The following CYB5R3 variants were observed in gnomAD, a reference collection of about 807,000 sequenced individuals.
CYB5R3 encodes NADH-cytochrome b5 reductase 3.
CYB5R3 carries 28 observed loss-of-function variants against 36.5 expected under a neutral mutation model. The ratio of observed to expected loss-of-function variants is 0.77; its 90% CI spans 0.57 to 1.05. The LOEUF (loss-of-function observed/expected upper bound fraction) is 1.05, where lower values mean the gene tolerates loss of function less well. Among genes scored for constraint, CYB5R3 ranks in the 50% least tolerant of loss-of-function variants. The pLI is 0.00. For synonymous variants in CYB5R3, 181 were observed against 159.8 expected (o/e 1.13, Z -1.00); for missense variants, 474 against 408.9 (o/e 1.16, Z -1.37).
At position 42,630,865 on chromosome 22, in the gene CYB5R3, T is replaced by C. The variant is rs1389355300; in HGVS notation, c.333+17A>G. On this transcript the variant is annotated intron_variant, in intron 4 of 8. Coordinates refer to ENST00000352397, the MANE Select transcript of CYB5R3 (RefSeq NM_000398.7). ...CCCACCCACACCCCCTCCACAGTCA[T>C]GACCCAGAGGCTTCACCTTGATGAC... 9 of 1,603,576 alleles carry C rather than the reference T, an allele frequency of 5.6e-6. No individual in the cohort carries two copies. The highest frequency in any genetic ancestry group is 7.7e-6 in the Non-Finnish European group (9 of 1,173,152).
In CYB5R3 at chr22:42,619,694, G is replaced by A. The variant is rs1326741136; in HGVS notation, c.*79C>T. 20 of 1,418,584 alleles carry A rather than the reference G, an allele frequency of 1.4e-5. No individual in the cohort carries two copies. Among genetic ancestry groups the A allele is most frequent in the Middle Eastern group, 2.2e-4 (1 of 4,460 alleles). The allele number at this position is 1,418,584 out of a possible 1,614,324, so 87.9% of individuals were successfully genotyped here. On this transcript the variant is annotated 3_prime_UTR_variant, in exon 9 of 9. Transcript: ENST00000352397. ...GGCTGAACCCGGGGCCCCAGTGTGCGATGTGGGGAGGTGACTGGGTGAGCG... is the reference window on the plus strand; with the variant it reads ...GGCTGAACCCGGGGCCCCAGTGTGCAATGTGGGGAGGTGACTGGGTGAGCG...
At chr22:42,628,789 C>G (rs1928448169) in intron 4 of CYB5R3, among the ~76,000 whole-genome samples, 1 of 152,164 alleles carries the variant, frequency 6.6e-6, no homozygotes, top group Non-Finnish European at 1.5e-5. Flanking sequence ...CCGACACCTA[C>G]AAAGAAATGG....
intron 1 of CYB5R3, among the ~76,000 whole-genome samples, chr22:42,641,213 T>C (rs571245373): frequency 3.9e-5 from 6 of 152,332 alleles, no homozygotes; most frequent in African/African-American, 1.4e-4. Context: ...AAATATAGTA[T>C]ATAATACATA....
At chr22:42,629,168 T>C (rs1000267007) in intron 4 of CYB5R3, among the ~76,000 whole-genome samples, 3 of 152,148 alleles carry the variant, frequency 2.0e-5, no homozygotes, top group Non-Finnish European at 4.4e-5. Context: ...GAACAGATGC[T>C]TGAGCCCTCA....
At chr22:42,644,504 AT>A (rs1569328126) in intron 1 of CYB5R3, 1 of 1,287,500 alleles carries the variant, frequency 7.8e-7, no homozygotes, top group African/African-American at 1.5e-5. Context: ...GCAAACTCCT[AT>A]TCATTCCTCA....
chr22:42,621,182 T>TGTGTGTGTG (rs1219788150), intron 8 of CYB5R3, among the ~76,000 whole-genome samples: 1 of 105,078 alleles, frequency 9.5e-6, no homozygotes, highest in African/African-American at 4.5e-5. Context: ...GATTTCTTTT[T>TGTGTGTGTG]AGTGTGTGTG....
intron 4 of CYB5R3, 135 bp from the exon 5 acceptor site, chr22:42,628,416 T>TCCACCCAG (rs1928421119): frequency 8.8e-7 from 1 of 1,137,204 alleles, no homozygotes; most frequent in South Asian, 1.3e-5. Flanking sequence ...TGGAGCCCCA[T>TCCACCCAG]CCACCCAGCC....
At chr22:42,627,731 A>G in intron 5 of CYB5R3, 43 bp from the exon 6 acceptor site, 3 of 1,447,914 alleles carry the variant, frequency 2.1e-6, no homozygotes, top group Non-Finnish European at 2.9e-6. Context: ...CAAACATGCC[A>G]TGTGTGGTGG....
At chr22:42,649,035 G>A (rs1461180646) in intron 1 of CYB5R3, among the ~76,000 whole-genome samples, 1 of 152,208 alleles carries the variant, frequency 6.6e-6, no homozygotes, top group Admixed American at 6.5e-5. Flanking sequence ...GGTGCCCCCG[G>A]GTGCTGGGCT....
intron 7 of CYB5R3, among the ~76,000 whole-genome samples, chr22:42,624,729 G>A (rs1928177311): frequency 6.6e-6 from 1 of 151,972 alleles, no homozygotes; most frequent in Non-Finnish European, 1.5e-5. Flanking sequence ...AAGAAACCAG[G>A]GGCCAAAGAG....
intron 8 of CYB5R3, among the ~76,000 whole-genome samples, chr22:42,622,418 G>A (rs1333360697): frequency 6.6e-6 from 1 of 152,138 alleles, no homozygotes; most frequent in Non-Finnish European, 1.5e-5. Flanking sequence ...TCAGCTGCGG[G>A]GTCAGGTTGG....
intron 4 of CYB5R3, among the ~76,000 whole-genome samples, chr22:42,629,072 A>G (rs1484471795): frequency 6.6e-6 from 1 of 152,164 alleles, no homozygotes; most frequent in African/African-American, 2.4e-5. Context: ...CCAAGCCAGG[A>G]GAGGCCTGGT....
At chr22:42,628,656 C>T (rs1012307726) in intron 4 of CYB5R3, among the ~76,000 whole-genome samples, 2 of 152,244 alleles carry the variant, frequency 1.3e-5, no homozygotes, top group Non-Finnish European at 2.9e-5. Flanking sequence ...AGCCACACTC[C>T]TCCTGGTGGA....
Position 42,641,369 on chromosome 22 carries a change from C to T in CYB5R3, c.22-4523G>A, listed in dbSNP as rs555600299. ...TGGCCCAGGCTGGAATGCAGTGGCG[C>T]GATCTTGTCTCACTCCAACCTCCGC... On this transcript the variant is annotated intron_variant, in intron 1 of 8. Coordinates refer to ENST00000352397, the MANE Select transcript of CYB5R3 (RefSeq NM_000398.7). Among the ~76,000 whole-genome samples the T allele has an allele frequency of 4.6e-5, 7 of 150,942 alleles. No individual in the cohort carries two copies. The South Asian group carries it at 1.5e-3, about 32-fold the overall frequency.
In CYB5R3 at chr22:42,649,339, C is replaced by T; in HGVS notation, c.-24G>A. The T allele has an allele frequency of 1.0e-6, 1 of 986,018 alleles. No homozygotes were observed. Among genetic ancestry groups the T allele is most frequent in the South Asian group, 3.6e-5 (1 of 27,820 alleles). The allele number at this position is 986,018 out of a possible 1,614,324, so 61.1% of individuals were successfully genotyped here. A position where few individuals can be genotyped will look rare whatever the true frequency, so the allele number is the denominator to read the frequency against. On this transcript the variant is annotated 5_prime_UTR_variant, in exon 1 of 9. Coordinates refer to ENST00000352397, the MANE Select transcript of CYB5R3 (RefSeq NM_000398.7). ...ATGGTGGCCCCGCGCCGCGCTCGCT[C>T]TGTCGCCGCCGCCGCCGCCGCCGAG...
intron 2 of CYB5R3, 160 bp from the exon 3 acceptor site, chr22:42,631,610 T>A: frequency 5.8e-6 from 4 of 685,978 alleles, no homozygotes; most frequent in Non-Finnish European, 1.1e-5. Context: ...CAAGCACAGA[T>A]GCACACACAT....
rs199511454 is a variant in CYB5R3 at position 42,627,403 on chromosome 22, G to A, written c.548-14C>T. 1.6e-5 allele frequency: 26 copies of A among 1,612,744 alleles called. No individual in the cohort carries two copies. The highest frequency in any genetic ancestry group is 3.3e-4 in the Middle Eastern group (2 of 6,040). ...TCGGGGTGATGCCTGCAAAATAGCCGGCCGGGCCTCGCACGTGCTGAGCGA... is the reference window on the plus strand; with the variant it reads ...TCGGGGTGATGCCTGCAAAATAGCCAGCCGGGCCTCGCACGTGCTGAGCGA... On this transcript the variant is annotated splice_polypyrimidine_tract_variant and intron_variant, in intron 6 of 8. Coordinates refer to ENST00000352397, the MANE Select transcript of CYB5R3 (RefSeq NM_000398.7).
rs777813720 is a variant in CYB5R3, at chr22:42,627,323, T to C, written c.614A>G (p.His205Arg). Residue 205 changes from histidine (H) to arginine (R), a missense_variant, in exon 7 of 9, where the codon CAC becomes CGC. By Grantham distance (29) the His-to-Arg change is conservative (BLOSUM62 0). Coordinates refer to ENST00000352397, the MANE Select transcript of CYB5R3 (RefSeq NM_000398.7). ...ACTGACCTGGTTGGCAAAGAGCAGG[T>C]GGCACACAGTGTGGTCATCAGGGTC... ...MKDPDDHTVC[H>R]LLFANQTEKD... 1.9e-6 allele frequency: 3 copies of C among 1,613,938 alleles called. No homozygotes were observed. Among genetic ancestry groups the C allele is most frequent in the Admixed American group, 1.7e-5 (1 of 60,022 alleles).
chr22:42,644,995 C>T lies in CYB5R3; in HGVS notation c.21+4300G>A, dbSNP rs543430662. The stretch of plus-strand genomic sequence containing the variant: ...AGGGGACAAATGTAGCTCAAGGAGG[C>T]CCAGGGTGGAGCCTGGTTTCTGATT... On this transcript the variant is annotated intron_variant, in intron 1 of 8. Transcript: ENST00000352397. Among the ~76,000 whole-genome samples the T allele has an allele frequency of 4.6e-5, 7 of 152,282 alleles. No individual in the cohort carries two copies. The South Asian group carries it at 1.5e-3, about 32-fold the overall frequency.
Sources: gnomAD v4.1 joint callset for allele counts (sites outside exome capture counted in the v4.1 genomes callset) on GRCh38, gnomAD v4.1.1 for gene constraint, MANE v1.5 for transcripts, NCBI Gene and HGNC (gene_info 2026-07-23, HGNC 2026-07-21) for gene names.